Variants in AGBL4 observed in about 807,000 individuals in gnomAD.
AGBL4 encodes cytosolic carboxypeptidase 6.
A neutral mutation model predicts 66.4 loss-of-function variants in AGBL4; 58 were observed. The ratio of observed to expected loss-of-function variants is 0.87; its 90% CI spans 0.71 to 1.09. The LOEUF (loss-of-function observed/expected upper bound fraction) is 1.09, where lower values mean the gene tolerates loss of function less well. AGBL4 is among the 50% of genes least tolerant of loss of function. The probability of loss-of-function intolerance (pLI) is 0.00; values close to 1 mark genes in which losing one functional copy is unlikely to be tolerated. For synonymous variants in AGBL4, 234 were observed against 222.9 expected, an observed-to-expected ratio of 1.05 and a Z score of -0.44; for missense variants, 579 against 631.0, an observed-to-expected ratio of 0.92 and a Z score of 0.88.
chr1:49,885,161 A>C (rs1647889120), intron 1 of AGBL4, among the ~76,000 whole-genome samples: 1 of 151,990 alleles, frequency 6.6e-6, no homozygotes, highest in Non-Finnish European at 1.5e-5. Flanking sequence ...ACACCTTCGA[A>C]GAGGTAAAAA....
chr1:49,659,299 T>C (rs1204094511), intron 3 of AGBL4, among the ~76,000 whole-genome samples: 1 of 152,092 alleles, frequency 6.6e-6, no homozygotes, highest in Non-Finnish European at 1.5e-5. Context: ...ACAGGATCAA[T>C]TTCACACATA....
chr1:48,546,626 A>C (rs1031641732), intron 11 of AGBL4, among the ~76,000 whole-genome samples: 1 of 152,192 alleles, frequency 6.6e-6, no homozygotes, highest in Non-Finnish European at 1.5e-5. Context: ...TTTGAATGCC[A>C]AGTTAAGAAA....
chr1:48,759,173 C>G (rs1644120820), intron 6 of AGBL4: 1 of 1,613,990 alleles, frequency 6.2e-7, no homozygotes, highest in Admixed American at 1.7e-5. Flanking sequence ...ACGAAGACCT[C>G]TTCCGGACAC....
chr1:48,736,625 G>C lies in AGBL4; in HGVS notation c.635-73384C>G, dbSNP rs934074190. Among the ~76,000 whole-genome samples the C allele has an allele frequency of 6.6e-6, 1 of 152,198 alleles. No homozygotes were observed. The highest frequency in any genetic ancestry group is 1.5e-5 in the Non-Finnish European group (1 of 68,032). ...AGCTATCATCTACTGAATACGTGTA[G>C]TGTGCCAGGCCTTATTCTAGGGCTT... On this transcript the variant is annotated intron_variant, in intron 6 of 13. Transcript: ENST00000371839. This position sits in a 1 kb window ranked among gnomAD's most constrained non-coding sequence, Gnocchi z 4.0.
chr1:49,038,997 T>G (rs1042582038), intron 5 of AGBL4, among the ~76,000 whole-genome samples: 17 of 152,064 alleles, frequency 1.1e-4, no homozygotes, highest in Non-Finnish European at 2.2e-4. Flanking sequence ...ATCCAGACAA[T>G]GGACTCTTAT....
intron 9 of AGBL4, among the ~76,000 whole-genome samples, chr1:48,617,805 G>GCT (rs1219557111): frequency 2.0e-5 from 3 of 152,102 alleles, no homozygotes; most frequent in Non-Finnish European, 4.4e-5. Flanking sequence ...ACCTTGCTCT[G>GCT]CTCTACCCTT....
intron 6 of AGBL4, among the ~76,000 whole-genome samples, chr1:48,823,422 G>A (rs1646358157): frequency 6.6e-6 from 1 of 152,218 alleles, no homozygotes. Context: ...AGCTGGGGCA[G>A]ACTGAGTACT....
intron 4 of AGBL4, among the ~76,000 whole-genome samples, chr1:49,193,563 T>C (rs1647164634): frequency 6.6e-6 from 1 of 151,910 alleles, no homozygotes; most frequent in Admixed American, 6.6e-5. Context: ...AGTTTCACTC[T>C]GTCACTCAGG....
intron 3 of AGBL4, among the ~76,000 whole-genome samples, chr1:49,688,088 A>T (rs1052171452): frequency 1.3e-5 from 2 of 152,206 alleles, no homozygotes; most frequent in East Asian, 3.9e-4. Flanking sequence ...ATACTATATT[A>T]GTTGTTTTAA....
chr1:48,934,969 T>C (rs1439817795), intron 5 of AGBL4, among the ~76,000 whole-genome samples: 1 of 152,206 alleles, frequency 6.6e-6, no homozygotes, highest in East Asian at 1.9e-4. Flanking sequence ...GAAGTCAAAC[T>C]TCTACTTCAT....
chr1:49,452,465 A>G (rs1001503949), intron 3 of AGBL4, among the ~76,000 whole-genome samples: 2 of 151,730 alleles, frequency 1.3e-5, no homozygotes, highest in Middle Eastern at 3.4e-3. Context: ...ATTTTCTGTT[A>G]TTTTCCCATC....
At chr1:49,776,079 A>G (rs1240908549) in intron 2 of AGBL4, among the ~76,000 whole-genome samples, 1 of 152,116 alleles carries the variant, frequency 6.6e-6, no homozygotes, top group Non-Finnish European at 1.5e-5. Flanking sequence ...AACCAATGAC[A>G]ATGCTGAGTA....
chr1:49,318,375 T>C (rs1351056669), intron 3 of AGBL4, among the ~76,000 whole-genome samples: 1 of 150,140 alleles, frequency 6.7e-6, no homozygotes, highest in Non-Finnish European at 1.5e-5. Flanking sequence ...CATACGGGAA[T>C]ATTTAAATGC....
At chr1:49,195,848 C>A (rs1647227095) in intron 4 of AGBL4, among the ~76,000 whole-genome samples, 1 of 152,102 alleles carries the variant, frequency 6.6e-6, no homozygotes, top group East Asian at 1.9e-4. Context: ...TCTCCACGAT[C>A]ATCATGTATC....
intron 3 of AGBL4, among the ~76,000 whole-genome samples, chr1:49,317,477 G>C (rs1185308406): frequency 6.6e-6 from 1 of 151,552 alleles, no homozygotes; most frequent in Non-Finnish European, 1.5e-5. Flanking sequence ...CATTATAAAG[G>C]GAACTGAGAA....
At chr1:49,386,113 G>A (rs980605626) in intron 3 of AGBL4, among the ~76,000 whole-genome samples, 4 of 151,820 alleles carry the variant, frequency 2.6e-5, no homozygotes, top group African/African-American at 9.7e-5. Flanking sequence ...AATGACATTC[G>A]TATTCTTTGA....
chr1:49,891,770 A>G (rs1258892188), intron 1 of AGBL4, among the ~76,000 whole-genome samples: 1 of 152,204 alleles, frequency 6.6e-6, no homozygotes, highest in Non-Finnish European at 1.5e-5. Context: ...AGAGGAGTTA[A>G]CAATGCAGAC....
At chr1:49,090,412 C>T (rs1046062153) in intron 4 of AGBL4, among the ~76,000 whole-genome samples, 2 of 152,088 alleles carry the variant, frequency 1.3e-5, no homozygotes, top group African/African-American at 2.4e-5. Flanking sequence ...AATCAATGTA[C>T]AATAATCAGT....
intron 5 of AGBL4, among the ~76,000 whole-genome samples, chr1:48,967,137 T>C (rs1658509720): frequency 6.6e-6 from 1 of 152,120 alleles, no homozygotes; most frequent in East Asian, 1.9e-4. Context: ...GAAAACTCAC[T>C]GAGCACTATT....
Sources: gnomAD v4.1 joint callset for allele counts (sites outside exome capture counted in the v4.1 genomes callset) on GRCh38, gnomAD v4.1.1 for gene constraint, Gnocchi (gnomAD v3.1) non-coding constraint, MANE v1.5 for transcripts, NCBI Gene and HGNC (gene_info 2026-07-23, HGNC 2026-07-21) for gene names.